The following LAMB1 variants were observed in gnomAD, a reference collection of about 807,000 sequenced individuals.
LAMB1 encodes laminin subunit beta 1.
LAMB1 carries 121 observed loss-of-function variants against 222.3 expected under a neutral mutation model. The ratio of observed to expected loss-of-function variants is 0.54; its 90% confidence interval spans 0.47 to 0.63. The LOEUF (loss-of-function observed/expected upper bound fraction) is 0.63. Ranked by LOEUF, LAMB1 falls within the 30% of genes least tolerant of loss-of-function variation. The pLI is 0.00. For missense variants in LAMB1, 2,172 were observed against 2,240.8 expected, an observed-to-expected ratio of 0.97 and a Z score of 0.62; for synonymous variants, 794 against 807.2, an observed-to-expected ratio of 0.98 and a Z score of 0.28.
intron 13 of LAMB1, among the ~76,000 whole-genome samples, chr7:107,966,113 A>G (rs2033630088): frequency 2.0e-5 from 3 of 152,018 alleles, no homozygotes. Flanking sequence ...AAATAAATAA[A>G]TAAATAAAAT....
chr7:107,935,725 A>G, intron 26 of LAMB1, 69 bp from the exon 27 acceptor site: 2 of 1,530,914 alleles, frequency 1.3e-6, no homozygotes, highest in South Asian at 1.2e-5. Flanking sequence ...AGCAGTGTCT[A>G]TATTTGGTGT....
At chr7:107,978,902 T>A (rs935832411) in intron 8 of LAMB1, among the ~76,000 whole-genome samples, 2 of 152,198 alleles carry the variant, frequency 1.3e-5, no homozygotes, top group African/African-American at 4.8e-5. Flanking sequence ...GTCCACTAAA[T>A]ATGCATGTAT....
At chr7:107,962,651 T>C (rs1338298711) in intron 15 of LAMB1, among the ~76,000 whole-genome samples, 4 of 149,626 alleles carry the variant, frequency 2.7e-5, no homozygotes, top group Middle Eastern at 3.4e-3. Flanking sequence ...GAGGCGGAGA[T>C]TGCAGTGAGC....
chr7:107,983,664 C>T (rs6970946), intron 7 of LAMB1, among the ~76,000 whole-genome samples: 12,924 of 149,940 alleles, frequency 0.086, 622 homozygotes, highest in Admixed American at 0.15. Flanking sequence ...GCGACAGGCA[C>T]GCACCACCAT....
intron 25 of LAMB1, among the ~76,000 whole-genome samples, 180 bp downstream of exon 25, chr7:107,939,809 A>G (rs988687285): frequency 1.3e-5 from 2 of 152,196 alleles, no homozygotes; most frequent in Admixed American, 1.3e-4. Context: ...TGATGTGCCA[A>G]CGTTCACTCA....
chr7:107,948,401 AAAGAT>A (rs1205552653), intron 24 of LAMB1, among the ~76,000 whole-genome samples: 1 of 152,214 alleles, frequency 6.6e-6, no homozygotes, highest in Non-Finnish European at 1.5e-5. Context: ...AAACAAAACT[AAAGAT>A]AAGGTTGGAG....
At chr7:107,931,261 A>G in intron 29 of LAMB1, 95 bp downstream of exon 29, 1 of 1,101,482 alleles carries the variant, frequency 9.1e-7, no homozygotes, top group South Asian at 1.4e-5. Context: ...TGGAAATGTC[A>G]CTTAGTACCC....
chr7:107,976,924 T>TC (rs1563000104), intron 9 of LAMB1, among the ~76,000 whole-genome samples: 3 of 40,226 alleles, frequency 7.5e-5, no homozygotes, highest in Non-Finnish European at 1.1e-4. Context: ...TCCTTTCCTC[T>TC]CTCTCCTTCC....
Position 107,935,347 on chromosome 7 carries a change from G to GTTTTTTTTTTTTTTTTT in LAMB1, c.4188+51_4188+67dup, listed in dbSNP as rs200599445. On this transcript the variant is annotated intron_variant, in intron 27 of 33. Transcript: ENST00000222399. The stretch of plus-strand genomic sequence containing the variant: ...GACAAAAGATGGTTTGTTTTTCTTT[G>GTTTTTTTTTTTTTTTTT]TTTTTTTTTTTTTTTTTTTTTTTTT... 3.0e-5 allele frequency: 35 copies of GTTTTTTTTTTTTTTTTT among 1,173,252 alleles called. 5 individuals are homozygous for GTTTTTTTTTTTTTTTTT. The highest frequency in any genetic ancestry group is 3.1e-4 in the Middle Eastern group (1 of 3,268). 72.7% of individuals were successfully genotyped at this position (1,173,252 alleles called of 1,614,324 possible). A position where few individuals can be genotyped will look rare whatever the true frequency, so the allele number is the denominator to read the frequency against.
chr7:107,924,750 G>A (rs2032521006), intron 32 of LAMB1, among the ~76,000 whole-genome samples: 1 of 152,116 alleles, frequency 6.6e-6, no homozygotes, highest in Admixed American at 6.6e-5. Context: ...AGAAGTGGAG[G>A]CTCTTTGGAT....
At chr7:108,002,163 G>C (rs899311775) in intron 2 of LAMB1, 8 of 1,431,582 alleles carry the variant, frequency 5.6e-6, no homozygotes, top group East Asian at 3.2e-5. Flanking sequence ...GGCAGCCCGC[G>C]CATCCTCGGT....
chr7:107,943,583 C>T (rs2033044553), intron 24 of LAMB1, among the ~76,000 whole-genome samples: 1 of 151,436 alleles, frequency 6.6e-6, no homozygotes. Flanking sequence ...GGGTAGGTAT[C>T]AGAATCACCT....
At chr7:107,974,831 T>C (rs188690895) in intron 12 of LAMB1, among the ~76,000 whole-genome samples, 155 bp downstream of exon 12, 2 of 152,360 alleles carry the variant, frequency 1.3e-5, no homozygotes, top group East Asian at 3.9e-4. Context: ...TGTGAAATCA[T>C]CCATTAGTAA....
chr7:107,939,965 TC>T (rs2032939883), intron 25 of LAMB1, 23 bp downstream of exon 25: 1 of 1,600,162 alleles, frequency 6.2e-7, no homozygotes, highest in South Asian at 1.1e-5. Flanking sequence ...TATGAGTAAT[TC>T]CTCTGGCTCA....
At position 107,986,298 on chromosome 7, in the gene LAMB1, A is replaced by G. The variant is rs2034075735; in HGVS notation, c.489T>C (p.Tyr163=). The G allele has an allele frequency of 1.2e-6, 2 of 1,613,682 alleles. No homozygotes were observed. The highest frequency in any genetic ancestry group is 1.7e-5 in the Admixed American group (1 of 59,996). Residue 163 remains tyrosine, a synonymous_variant, in exon 6 of 34, where the codon TAT becomes TAC. Coordinates refer to ENST00000222399, the MANE Select transcript of LAMB1 (RefSeq NM_002291.3). ...CCTCACAGTCATAGGCGAAGTATCT[A>G]TACACACCCCAGGTTTTCCCAAAGT... The part of the protein sequence containing the change: ...SSDFGKTWGV[Y]RYFAYDCEAS...
At chr7:107,995,228 G>C (rs1455715928) in intron 4 of LAMB1, among the ~76,000 whole-genome samples, 1 of 152,316 alleles carries the variant, frequency 6.6e-6, no homozygotes, top group South Asian at 2.1e-4. Context: ...ATCTGGCAGA[G>C]TGCCTCTAGC....
In LAMB1 at chr7:107,953,558, A is replaced by G. The variant is rs770012801; in HGVS notation, c.3051T>C (p.Tyr1017=). 6.2e-7 allele frequency: 1 copy of G among 1,614,090 alleles called. No homozygotes were observed. Among genetic ancestry groups the G allele is most frequent in the South Asian group, 1.1e-5 (1 of 91,086 alleles). The stretch of plus-strand genomic sequence containing the variant: ...GACAGTCCTGCTGGAGGGCATCACC[A>G]TAGTATCCAAACCGGCAGAACTGAC... ...EHCQFCRFGY[Y]GDALQQDCRK... is the part of the protein sequence containing the mutation. Residue 1017 remains tyrosine, a synonymous_variant, in exon 22 of 34, where the codon TAT becomes TAC. Coordinates refer to ENST00000222399, the MANE Select transcript of LAMB1 (RefSeq NM_002291.3).
intron 24 of LAMB1, among the ~76,000 whole-genome samples, chr7:107,947,710 G>A (rs1447809454): frequency 2.0e-5 from 3 of 152,174 alleles, no homozygotes; most frequent in Non-Finnish European, 4.4e-5. Context: ...TAGGTTATGA[G>A]CTTTCTCCAA....
intron 24 of LAMB1, among the ~76,000 whole-genome samples, chr7:107,949,736 A>G (rs1341615637): frequency 2.0e-5 from 3 of 152,236 alleles, no homozygotes; most frequent in Non-Finnish European, 4.4e-5. Flanking sequence ...CAACTTAAAA[A>G]ACAAATCATA....
Sources: allele counts gnomAD v4.1 joint callset (sites outside exome capture counted in the v4.1 genomes callset), GRCh38; gene constraint gnomAD v4.1.1; transcripts MANE v1.5; gene names NCBI Gene and HGNC (gene_info 2026-07-23, HGNC 2026-07-21).